The following GNG4 variants were observed in gnomAD, a reference collection of about 807,000 sequenced individuals.
GNG4 encodes the protein guanine nucleotide-binding protein G(I)/G(S)/G(O) subunit gamma-4.
In GNG4, 4 loss-of-function variants were observed where a neutral mutation model predicts 5.8. The observed-to-expected ratio is 0.69, with a 90% CI of 0.34 to 1.57. The LOEUF is 1.57. Ranked by LOEUF, GNG4 falls within the 40% of genes most tolerant of loss-of-function variation. GNG4 has a pLI of 0.06. For missense variants in GNG4, 96 were observed against 95.1 expected, an observed-to-expected ratio of 1.01 and a Z score of -0.04; for synonymous variants, 29 against 32.9, an observed-to-expected ratio of 0.88 and a Z score of 0.41.
At chr1:235,616,304 T>G (rs1688587940) in intron 1 of GNG4, 1 of 445,074 alleles carries the variant, frequency 2.2e-6, no homozygotes, top group African/African-American at 2.0e-5. Flanking sequence ...GGGCAGCATC[T>G]CCATCCCCTT....
intron 3 of GNG4, chr1:235,566,214 G>T (rs1488126948): frequency 1.3e-5 from 2 of 152,358 alleles, no homozygotes; most frequent in East Asian, 3.8e-4. Flanking sequence ...CTAAACAGGG[G>T]TCTCCAACCC....
At position 235,644,066 on chromosome 1, in the gene GNG4, A is replaced by G. The variant is rs1169137173; in HGVS notation, c.-123+5596T>C. ...AGGCACAATTCTACAAGGTCAACCA[A>G]GTGGAGGGGAATGGCAGTGAAACGC... On this transcript the variant is annotated intron_variant, in intron 1 of 3. Coordinates refer to ENST00000391854, the MANE Select transcript of GNG4 (RefSeq NM_001098722.2). This position sits in a 1 kb window ranked among gnomAD's most constrained non-coding sequence, Gnocchi z 5.9. 3.9e-5 allele frequency among the ~76,000 whole-genome samples: 6 copies of G among 152,190 alleles called. No homozygotes were observed. The highest frequency in any genetic ancestry group is 1.2e-4 in the African/African-American group (5 of 41,446).
Position 235,564,709 on chromosome 1 carries a change from A to T in GNG4, c.100-12472T>A, listed in dbSNP as rs541844616. ...ATAGTTATTATTATTTTTTTTAGAC[A>T]GAGTCTAGCTCTGTTGCCCAGGCTG... is the stretch of plus-strand genomic sequence containing the variant. On this transcript the variant is annotated intron_variant, in intron 3 of 3. Coordinates refer to ENST00000391854, the MANE Select transcript of GNG4 (RefSeq NM_001098722.2). Among the ~76,000 whole-genome samples, 13 of 152,314 alleles carry T rather than the reference A, an allele frequency of 8.5e-5. 1 individual carries two copies. The South Asian group carries it at 2.3e-3, about 27-fold the overall frequency.
chr1:235,593,789 C>A (rs193084713), intron 2 of GNG4, among the ~76,000 whole-genome samples: 1 of 152,076 alleles, frequency 6.6e-6, no homozygotes, highest in Non-Finnish European at 1.5e-5. Context: ...TTTGTGGTCT[C>A]GCTGGCTTCA....
intron 1 of GNG4, among the ~76,000 whole-genome samples, chr1:235,629,771 T>C (rs1042685221): frequency 6.6e-6 from 1 of 152,046 alleles, no homozygotes; most frequent in Non-Finnish European, 1.5e-5. Flanking sequence ...TTTGTATTTT[T>C]AGTAAAGATG....
At chr1:235,645,563 C>T (rs576917612) in intron 1 of GNG4, among the ~76,000 whole-genome samples, 12 of 152,154 alleles carry the variant, frequency 7.9e-5, no homozygotes, top group South Asian at 6.2e-4. Context: ...TCTGGGAGGC[C>T]GAGTCAGGTG....
chr1:235,553,943 T>G (rs1172640914), intron 3 of GNG4, among the ~76,000 whole-genome samples: 1 of 152,158 alleles, frequency 6.6e-6, no homozygotes, highest in Non-Finnish European at 1.5e-5. Context: ...GGTCAGTATT[T>G]AAGATCCTAA....
chr1:235,641,736 C>T (rs1657336319), intron 1 of GNG4, among the ~76,000 whole-genome samples: 1 of 152,072 alleles, frequency 6.6e-6, no homozygotes, highest in Non-Finnish European at 1.5e-5. Flanking sequence ...AACACTTTCA[C>T]CTGTTGGCTC....
At chr1:235,584,448 T>C (rs1311935713) in intron 2 of GNG4, among the ~76,000 whole-genome samples, 1 of 151,236 alleles carries the variant, frequency 6.6e-6, no homozygotes, top group African/African-American at 2.5e-5. Flanking sequence ...AAAATTGCTT[T>C]ATTAATTTTA....
At chr1:235,624,756 TC>T (rs1210366042) in intron 1 of GNG4, among the ~76,000 whole-genome samples, 1 of 152,184 alleles carries the variant, frequency 6.6e-6, no homozygotes, top group Non-Finnish European at 1.5e-5. Context: ...CTAAGACAGA[TC>T]AAAGAAGGTT....
chr1:235,586,379 C>T (rs1026922218), intron 2 of GNG4, among the ~76,000 whole-genome samples: 11 of 151,600 alleles, frequency 7.3e-5, no homozygotes, highest in East Asian at 1.9e-4. Context: ...GCCATCTCTC[C>T]GTGTGTGTGT....
intron 3 of GNG4, among the ~76,000 whole-genome samples, chr1:235,555,769 C>T (rs902498585): frequency 7.3e-5 from 11 of 151,672 alleles, no homozygotes; most frequent in South Asian, 2.1e-4. Flanking sequence ...TGTTTTGATA[C>T]GTGTATACAT....
intron 3 of GNG4, among the ~76,000 whole-genome samples, chr1:235,573,543 C>G (rs969310939): frequency 3.3e-5 from 5 of 152,116 alleles, no homozygotes; most frequent in Admixed American, 6.6e-5. Flanking sequence ...TTTGGGAGGC[C>G]GAGGTGGGCG....
rs1369698264 is a variant in GNG4, at chr1:235,642,585, G to A, written c.-123+7077C>T. On this transcript the variant is annotated intron_variant, in intron 1 of 3. Transcript: ENST00000391854. This position sits in a 1 kb window ranked among gnomAD's most constrained non-coding sequence, Gnocchi z 4.3. Reference sequence around the variant, plus strand: ...GTGGTGGCGGGTTGGCTGTGGTTTTGCAGAGGCGGGCAGGAGGGGCAGGGG... The same window carrying A: ...GTGGTGGCGGGTTGGCTGTGGTTTTACAGAGGCGGGCAGGAGGGGCAGGGG... Among the ~76,000 whole-genome samples, 1 of 152,114 alleles carries A rather than the reference G, an allele frequency of 6.6e-6. No individual in the cohort carries two copies. Among genetic ancestry groups the A allele is most frequent in the East Asian group, 1.9e-4 (1 of 5,186 alleles).
chr1:235,621,967 G>A (rs899844546), intron 1 of GNG4, among the ~76,000 whole-genome samples: 6 of 152,118 alleles, frequency 3.9e-5, no homozygotes, highest in African/African-American at 1.4e-4. Context: ...ATGAGCCACC[G>A]CACCTGGCCT....
intron 1 of GNG4, among the ~76,000 whole-genome samples, chr1:235,614,282 GT>G (rs1300770530): frequency 2.6e-5 from 4 of 150,952 alleles, no homozygotes; most frequent in Admixed American, 2.6e-4. Flanking sequence ...TTGGTCATTT[GT>G]ATTTTTTTTT....
At chr1:235,612,972 G>C (rs923695263) in intron 1 of GNG4, among the ~76,000 whole-genome samples, 4 of 152,144 alleles carry the variant, frequency 2.6e-5, no homozygotes, top group Non-Finnish European at 5.9e-5. Flanking sequence ...ATGAGGGAAG[G>C]GGCAAACAGG....
rs1355801585 is a variant in GNG4 at position 235,649,037 on chromosome 1, G to T, written c.-123+625C>A. Among the ~76,000 whole-genome samples the T allele has an allele frequency of 6.6e-6, 1 of 152,126 alleles. No individual in the cohort carries two copies. Among genetic ancestry groups the T allele is most frequent in the Non-Finnish European group, 1.5e-5 (1 of 68,032 alleles). ...CAAACAAAGCTCCCCGGTTGCTGCCGGGCGCGCGCGGCGAACGAAGCACAT... is the reference window on the plus strand; with the variant it reads ...CAAACAAAGCTCCCCGGTTGCTGCCTGGCGCGCGCGGCGAACGAAGCACAT... On this transcript the variant is annotated intron_variant, in intron 1 of 3. Transcript: ENST00000391854. This position sits in a 1 kb window ranked among gnomAD's most constrained non-coding sequence, Gnocchi z 5.7.
intron 1 of GNG4, 68 bp from the exon 2 acceptor site, chr1:235,595,579 T>C (rs1688104245): frequency 6.6e-6 from 1 of 152,324 alleles, no homozygotes; most frequent in Admixed American, 6.5e-5. Flanking sequence ...AGAGTCCCCA[T>C]CCACCCTGTC....
Sources: gnomAD v4.1 joint callset for allele counts (sites outside exome capture counted in the v4.1 genomes callset) on GRCh38, gnomAD v4.1.1 for gene constraint, Gnocchi (gnomAD v3.1) non-coding constraint, MANE v1.5 for transcripts, NCBI Gene and HGNC (gene_info 2026-07-23, HGNC 2026-07-21) for gene names.